The following SUMF1 variants were observed in gnomAD, a reference collection of about 807,000 sequenced individuals.
SUMF1 encodes the protein sulfatase modifying factor 1.
In SUMF1, 48 loss-of-function variants were observed where a neutral mutation model predicts 47.6. That is an observed-to-expected ratio of 1.01 (90% CI 0.80 to 1.28). The LOEUF (loss-of-function observed/expected upper bound fraction) is 1.28, where lower values mean the gene tolerates loss of function less well. SUMF1 is among the 50% of genes most tolerant of loss of function. The pLI, the probability that SUMF1 is intolerant of heterozygous loss-of-function variation, is 0.00. For missense variants in SUMF1, 571 were observed against 485.4 expected (o/e 1.18, Z -1.66); for synonymous variants, 230 against 192.1 (o/e 1.20, Z -1.63).
rs751815932 is a variant in SUMF1 at position 4,362,116 on chromosome 3, T to C, written c.*28A>G. On this transcript the variant is annotated 3_prime_UTR_variant, in exon 9 of 9. Coordinates refer to ENST00000272902, the MANE Select transcript of SUMF1 (RefSeq NM_182760.4). ...AATGTAGGTCAGACACGACTGCTCC[T>C]TGGACTGGGGAAGACTTTCCTTGGT... 7 of 1,605,686 alleles carry C rather than the reference T, an allele frequency of 4.4e-6. No individual in the cohort carries two copies. The highest frequency in any genetic ancestry group is 3.3e-5 in the Admixed American group (2 of 60,022).
chr3:4,270,251 C>T (rs1298119768), intron 8 of SUMF1, among the ~76,000 whole-genome samples: 1 of 152,062 alleles, frequency 6.6e-6, no homozygotes, highest in Non-Finnish European at 1.5e-5. Flanking sequence ...CTGAAGTAAG[C>T]ACTGAAGTAA....
chr3:4,165,865 C>CTT (rs1694691734), intron 8 of SUMF1, among the ~76,000 whole-genome samples: 8 of 49,920 alleles, frequency 1.6e-4, no homozygotes, highest in South Asian at 1.5e-3. Flanking sequence ...GTTTGTTTCC[C>CTT]CCCCCCCCCC....
intron 8 of SUMF1, among the ~76,000 whole-genome samples, chr3:4,221,995 C>T (rs1696076430): frequency 6.6e-6 from 1 of 151,208 alleles, no homozygotes; most frequent in Non-Finnish European, 1.5e-5. Context: ...AAGCAATTTT[C>T]ATTGTAAAAA....
chr3:4,214,704 T>C (rs575631940), intron 8 of SUMF1, among the ~76,000 whole-genome samples: 2 of 152,056 alleles, frequency 1.3e-5, no homozygotes, highest in South Asian at 2.1e-4. Context: ...TAAAAAATCA[T>C]ATAGGGGATA....
intron 8 of SUMF1, among the ~76,000 whole-genome samples, chr3:4,141,459 G>T (rs1364061116): frequency 1.3e-5 from 2 of 152,080 alleles, no homozygotes; most frequent in Non-Finnish European, 2.9e-5. Context: ...TGGCCTCCCA[G>T]GAAAGGAAGA....
chr3:4,407,085 GAC>G (rs113556805), intron 7 of SUMF1, among the ~76,000 whole-genome samples: 69,441 of 148,380 alleles, frequency 0.47, 17,795 homozygotes, highest in Non-Finnish European at 0.6. Flanking sequence ...ACACACATGG[GAC>G]ACACACACAC....
chr3:4,069,732 T>C (rs1695473487), intron 8 of SUMF1, among the ~76,000 whole-genome samples: 1 of 151,930 alleles, frequency 6.6e-6, no homozygotes, highest in Non-Finnish European at 1.5e-5. Context: ...ATCAGATGGG[T>C]TTTATTCTAT....
At position 4,376,320 on chromosome 3, in the gene SUMF1, C is replaced by CA; in HGVS notation, c.1014+9dup. 6.2e-7 allele frequency: 1 copy of CA among 1,614,104 alleles called. No individual in the cohort carries two copies. Among genetic ancestry groups the CA allele is most frequent in the Non-Finnish European group, 8.5e-7 (1 of 1,179,962 alleles). ...CAAGAACGGCAAAACAGTTTAGTGACATGACTTACCCTATGGCACATGTAG... is the reference window on the plus strand; with the variant it reads ...CAAGAACGGCAAAACAGTTTAGTGACAATGACTTACCCTATGGCACATGTAG... On this transcript the variant is annotated intron_variant, in intron 8 of 8. Coordinates refer to ENST00000272902, the MANE Select transcript of SUMF1 (RefSeq NM_182760.4).
chr3:4,292,288 A>G (rs1380264513), intron 8 of SUMF1, among the ~76,000 whole-genome samples: 1 of 152,232 alleles, frequency 6.6e-6, no homozygotes, highest in African/African-American at 2.4e-5. Flanking sequence ...TAAAACGAAT[A>G]GCATGTCTTA....
At chr3:4,178,411 C>T (rs1309359358) in intron 8 of SUMF1, among the ~76,000 whole-genome samples, 21 of 152,136 alleles carry the variant, frequency 1.4e-4, no homozygotes, top group Non-Finnish European at 2.6e-4. Flanking sequence ...AAATGTAATC[C>T]ATCAATAAAC....
intron 8 of SUMF1, among the ~76,000 whole-genome samples, chr3:4,096,467 A>C (rs1692906802): frequency 6.6e-6 from 1 of 152,148 alleles, no homozygotes; most frequent in Non-Finnish European, 1.5e-5. Flanking sequence ...GAAAAGTAGA[A>C]ATGGGCAGCT....
intron 8 of SUMF1, among the ~76,000 whole-genome samples, chr3:4,235,284 G>C (rs761568625): frequency 4.2e-4 from 64 of 152,130 alleles, no homozygotes; most frequent in Admixed American, 5.9e-4. Flanking sequence ...AATTATCTGA[G>C]GGTGGTGCCA....
chr3:4,303,744 T>G, intron 8 of SUMF1: 14 of 1,472,116 alleles, frequency 9.5e-6, no homozygotes, highest in East Asian at 3.0e-5. Context: ...TTTCAGTCCA[T>G]TCCCTGAAGC....
At chr3:4,445,569 T>G (rs577137761) in intron 3 of SUMF1, among the ~76,000 whole-genome samples, 34 of 152,268 alleles carry the variant, frequency 2.2e-4, no homozygotes, top group Non-Finnish European at 4.3e-4. Context: ...GGTCTTGAAC[T>G]CCTGGCCTCA....
At chr3:4,202,831 G>T (rs1380539326) in intron 8 of SUMF1, among the ~76,000 whole-genome samples, 5 of 151,548 alleles carry the variant, frequency 3.3e-5, no homozygotes, top group African/African-American at 9.7e-5. Flanking sequence ...TTCTTCATTG[G>T]CCCATTGGTC....
intron 8 of SUMF1, chr3:4,317,133 G>A: frequency 6.5e-7 from 1 of 1,546,696 alleles, no homozygotes; most frequent in Non-Finnish European, 8.7e-7. Context: ...TGCAGAAAAT[G>A]CTTTCCAAGA....
At chr3:4,209,132 T>C (rs1050997313) in intron 8 of SUMF1, among the ~76,000 whole-genome samples, 2 of 152,184 alleles carry the variant, frequency 1.3e-5, no homozygotes, top group African/African-American at 4.8e-5. Flanking sequence ...TTATGGGATA[T>C]TATCCTTTTA....
chr3:4,177,549 G>A (rs1025326757), intron 8 of SUMF1, among the ~76,000 whole-genome samples: 10 of 152,110 alleles, frequency 6.6e-5, no homozygotes, highest in Admixed American at 6.5e-4. Flanking sequence ...AGTGTGTAGA[G>A]GGAAATTTAT....
chr3:4,126,386 G>A (rs1211808426), intron 8 of SUMF1, among the ~76,000 whole-genome samples: 2 of 151,820 alleles, frequency 1.3e-5, no homozygotes, highest in Non-Finnish European at 2.9e-5. Context: ...ACATCATTAG[G>A]ACTTCCTTCC....
Sources: allele counts gnomAD v4.1 joint callset (sites outside exome capture counted in the v4.1 genomes callset), GRCh38; gene constraint gnomAD v4.1.1; transcripts MANE v1.5; gene names NCBI Gene and HGNC (gene_info 2026-07-23, HGNC 2026-07-21).